XDH: variants seen among roughly 807,000 people sequenced by gnomAD.
The protein encoded by XDH is xanthine dehydrogenase, also known as xanthine dehydrogenase/oxidase.
XDH carries 138 observed loss-of-function variants against 156.1 expected under a neutral mutation model. That is an observed-to-expected ratio of 0.88 (90% confidence interval 0.77 to 1.02). XDH has a LOEUF of 1.02. Ranked by LOEUF, XDH falls within the 50% of genes least tolerant of loss-of-function variation. XDH has a pLI of 0.00. For missense variants in XDH, 1,849 were observed against 1,684.9 expected, an observed-to-expected ratio of 1.10 and a Z score of -1.71; for synonymous variants, 669 against 625.7, an observed-to-expected ratio of 1.07 and a Z score of -1.03.
intron 6 of XDH, among the ~76,000 whole-genome samples, chr2:31,396,706 A>C (rs769674477): frequency 6.6e-6 from 1 of 152,198 alleles, no homozygotes; most frequent in Non-Finnish European, 1.5e-5. Flanking sequence ...TCGTGCATCA[A>C]TTAAGTGCCT....
chr2:31,357,251 C>G (rs374499402), intron 24 of XDH, among the ~76,000 whole-genome samples: 1 of 151,934 alleles, frequency 6.6e-6, no homozygotes. Context: ...AGGATAAGAG[C>G]AGAAATCAGT....
At chr2:31,374,268 C>T (rs1686165243) in intron 15 of XDH, among the ~76,000 whole-genome samples, 2 of 152,180 alleles carry the variant, frequency 1.3e-5, no homozygotes, top group African/African-American at 4.8e-5. Flanking sequence ...TTGGGAGTAT[C>T]CTTCTCCTCC....
At chr2:31,362,843 A>T (rs868791981) in intron 24 of XDH, among the ~76,000 whole-genome samples, 1 of 152,240 alleles carries the variant, frequency 6.6e-6, no homozygotes, top group Non-Finnish European at 1.5e-5. Flanking sequence ...AGAAATCAAA[A>T]TACATGTCTA....
chr2:31,383,417 A>G (rs1686492973), intron 10 of XDH, among the ~76,000 whole-genome samples: 1 of 152,172 alleles, frequency 6.6e-6, no homozygotes, highest in Non-Finnish European at 1.5e-5. Flanking sequence ...TCAACTCATT[A>G]AAATCAGAAT....
intron 31 of XDH, among the ~76,000 whole-genome samples, chr2:31,344,067 A>G (rs1427634853): frequency 6.6e-6 from 1 of 152,176 alleles, no homozygotes; most frequent in Non-Finnish European, 1.5e-5. Context: ...ATATGATCAT[A>G]TCTTTTTACA....
At chr2:31,338,490 G>A (rs754135094) in intron 34 of XDH, among the ~76,000 whole-genome samples, 27 of 152,090 alleles carry the variant, frequency 1.8e-4, no homozygotes, top group Non-Finnish European at 2.9e-4. Context: ...AAGTATGACA[G>A]TCAATGGCAA....
At chr2:31,369,392 G>C (rs982811283) in intron 18 of XDH, among the ~76,000 whole-genome samples, 2 of 152,110 alleles carry the variant, frequency 1.3e-5, no homozygotes, top group African/African-American at 4.8e-5. Context: ...AAAGCTTAAT[G>C]GATCTCCTTC....
intron 6 of XDH, among the ~76,000 whole-genome samples, chr2:31,396,874 G>C (rs1459115042): frequency 6.6e-6 from 1 of 152,068 alleles, no homozygotes; most frequent in Non-Finnish European, 1.5e-5. Context: ...CCCCTTCTTG[G>C]ATTATACGAT....
At chr2:31,392,719 G>A (rs1686800757) in intron 6 of XDH, among the ~76,000 whole-genome samples, 1 of 152,084 alleles carries the variant, frequency 6.6e-6, no homozygotes, top group Non-Finnish European at 1.5e-5. Context: ...CGTCGTGCCT[G>A]GTGGATTATT....
chr2:31,349,774 CA>C lies in XDH; in HGVS notation c.2880del (p.Glu961ArgfsTer13). The C allele has an allele frequency of 6.2e-7, 1 of 1,614,170 alleles. No individual in the cohort carries two copies. Among genetic ancestry groups the C allele is most frequent in the Non-Finnish European group, 8.5e-7 (1 of 1,180,038 alleles). On this transcript the variant is annotated frameshift_variant, in exon 26 of 36. Coordinates refer to ENST00000379416, the MANE Select transcript of XDH (RefSeq NM_000379.4). LOFTEE classifies it high-confidence loss of function. ...EGDLTHFNQK[L>X]EGFTLPRCWE... is the part of the protein sequence containing the mutation. ...CAGCATCTGGGCAAGGTGAAACCCT[CA>C]AGCTTCTGGTTGAAGTGTGTCAGGT...
In XDH at chr2:31,341,375, A is replaced by G. The variant is rs763856530; in HGVS notation, c.3539T>C (p.Val1180Ala). 10 of 1,579,748 alleles carry G rather than the reference A, an allele frequency of 6.3e-6. No individual in the cohort carries two copies. Among genetic ancestry groups the G allele is most frequent in the Non-Finnish European group, 7.8e-6 (9 of 1,160,044 alleles). Reference sequence around the variant, plus strand: ...GTTTAGACTGGAGCCAACATCCATGACAATATCTGTGCGGAGGTTCTAGAG... The same window carrying G: ...GTTTAGACTGGAGCCAACATCCATGGCAATATCTGTGCGGAGGTTCTAGAG... ...GDHKNLRTDI[V>A]MDVGSSLNPA... Residue 1180 changes from valine to alanine, a missense_variant, in exon 33 of 36, where the codon GTC (valine) becomes GCC (alanine). Physicochemically the swap from Val to Ala is moderately conservative, Grantham distance 64. Coordinates refer to ENST00000379416, the MANE Select transcript of XDH (RefSeq NM_000379.4).
intron 9 of XDH, 147 bp downstream of exon 9, chr2:31,386,267 G>T: frequency 2.7e-6 from 3 of 1,102,348 alleles, no homozygotes; most frequent in Non-Finnish European, 3.9e-6. Flanking sequence ...AGTGTCCAGG[G>T]ATTTCCAGTG....
At chr2:31,372,924 T>C (rs560204257) in intron 16 of XDH, among the ~76,000 whole-genome samples, 1 of 152,302 alleles carries the variant, frequency 6.6e-6, no homozygotes, top group East Asian at 1.9e-4. Flanking sequence ...GTGATTTTTA[T>C]TTTCTTCTTT....
intron 31 of XDH, among the ~76,000 whole-genome samples, chr2:31,343,639 G>T (rs1332541449): frequency 2.9e-5 from 4 of 136,444 alleles, no homozygotes; most frequent in African/African-American, 1.1e-4. Context: ...GAAATGTTTT[G>T]TGTGTGTACA....
chr2:31,397,412 G>A (rs912324238), intron 6 of XDH, among the ~76,000 whole-genome samples: 3 of 152,228 alleles, frequency 2.0e-5, no homozygotes, highest in South Asian at 2.1e-4. Context: ...CTCTCAGGCG[G>A]TGAGCCTCTT....
Position 31,337,805 on chromosome 2 carries a change from G to A in XDH, c.3787C>T (p.Pro1263Ser). The change falls in exon 35 of 36, where the codon CCG becomes TCG. Residue 1263 changes from proline to serine, a missense_variant. Pro to Ser is a moderately conservative substitution (Grantham distance 74, BLOSUM62 -1). Transcript: ENST00000379416. ...AIYASKAVGE[P>S]PLFLAASIFF... ...ATAGAAGCAGCCAGGAAGAGGGGCGGCTCTCCAACAGCCTGAACACAGACA... is the reference window on the plus strand; with the variant it reads ...ATAGAAGCAGCCAGGAAGAGGGGCGACTCTCCAACAGCCTGAACACAGACA... 3 of 1,613,940 alleles carry A rather than the reference G, an allele frequency of 1.9e-6. No individual in the cohort carries two copies. Among genetic ancestry groups the A allele is most frequent in the East Asian group, 2.2e-5 (1 of 44,894 alleles).
intron 11 of XDH, among the ~76,000 whole-genome samples, chr2:31,382,025 G>A (rs1558699029): frequency 1.3e-5 from 2 of 152,304 alleles, no homozygotes; most frequent in East Asian, 3.9e-4. Flanking sequence ...GGATTGAGGT[G>A]ATTTATCACA....
intron 26 of XDH, 144 bp from the exon 27 acceptor site, chr2:31,349,124 G>T (rs1259782824): frequency 1.2e-5 from 9 of 781,830 alleles, no homozygotes; most frequent in Admixed American, 2.1e-5. Flanking sequence ...CCACACCAGG[G>T]GGTCTTGTCA....
intron 11 of XDH, among the ~76,000 whole-genome samples, 168 bp downstream of exon 11, chr2:31,382,833 T>C (rs1301192921): frequency 6.6e-6 from 1 of 152,166 alleles, no homozygotes; most frequent in Non-Finnish European, 1.5e-5. Flanking sequence ...TCAGAATCTC[T>C]GAGGGTGGGG....
Sources: allele counts gnomAD v4.1 joint callset (sites outside exome capture counted in the v4.1 genomes callset), GRCh38; gene constraint gnomAD v4.1.1; transcripts MANE v1.5; gene names NCBI Gene and HGNC (gene_info 2026-07-23, HGNC 2026-07-21).